The following ADAMTS2 variants were observed in gnomAD, a reference collection of about 807,000 sequenced individuals.
ADAMTS2 encodes the protein A disintegrin and metalloproteinase with thrombospondin motifs 2.
ADAMTS2 carries 50 observed loss-of-function variants against 123.0 expected under a neutral mutation model. That is an observed-to-expected ratio of 0.41 (90% confidence interval 0.32 to 0.51). The LOEUF (loss-of-function observed/expected upper bound fraction) is 0.51, where lower values mean the gene tolerates loss of function less well. Among genes scored for constraint, ADAMTS2 ranks in the 20% least tolerant of loss-of-function variants. The probability of loss-of-function intolerance (pLI) is 0.35; values close to 1 mark genes in which losing one functional copy is unlikely to be tolerated. For missense variants in ADAMTS2, 1,494 were observed against 1,705.2 expected, an observed-to-expected ratio of 0.88 and a Z score of 2.18; for synonymous variants, 678 against 695.4, an observed-to-expected ratio of 0.98 and a Z score of 0.39.
At position 179,308,851 on chromosome 5, in the gene ADAMTS2, A is replaced by G. The variant is rs1011588436; in HGVS notation, c.534+34916T>C. The stretch of plus-strand genomic sequence containing the variant: ...TGCAGCTAGGCCAGCTGGGAGCCAG[A>G]CAGCCACTGAAGCCCTCGGGGTACT... On this transcript the variant is annotated intron_variant, in intron 2 of 21. Transcript: ENST00000251582. The surrounding 1 kb of genome is among the most constrained non-coding windows in gnomAD (Gnocchi z 6.6). 1.3e-5 allele frequency among the ~76,000 whole-genome samples: 2 copies of G among 152,148 alleles called. No homozygotes were observed. Among genetic ancestry groups the G allele is most frequent in the African/African-American group, 2.4e-5 (1 of 41,420 alleles).
At chr5:179,145,340 G>A (rs1763233677) in intron 10 of ADAMTS2, among the ~76,000 whole-genome samples, 1 of 151,704 alleles carries the variant, frequency 6.6e-6, no homozygotes, top group African/African-American at 2.4e-5. Flanking sequence ...CAAACATGGA[G>A]TTACCATAAA....
chr5:179,345,277 G>GCAA lies in ADAMTS2; in HGVS notation c.51_52insTTG (p.Leu23dup), dbSNP rs1365580904. ...GGCGGCGGCAGCAGCAGCAGCAGCAGCAGCAGCGCGGGGCAGAGCAGGCGG... is the reference window on the plus strand; with the variant it reads ...GGCGGCGGCAGCAGCAGCAGCAGCAGCAACAGCAGCGCGGGGCAGAGCAGGCGG... On this transcript the variant is annotated inframe_insertion, in exon 1 of 22. Coordinates refer to ENST00000251582, the MANE Select transcript of ADAMTS2 (RefSeq NM_014244.5). This position sits in a 1 kb window ranked among gnomAD's most constrained non-coding sequence, Gnocchi z 7.5. 47 of 1,158,954 alleles carry GCAA rather than the reference G, an allele frequency of 4.1e-5. No homozygotes were observed. In the Admixed American group the frequency reaches 1.9e-3, roughly 46 times the overall value. 71.8% of individuals were successfully genotyped at this position (1,158,954 alleles called of 1,614,324 possible).
intron 4 of ADAMTS2, among the ~76,000 whole-genome samples, chr5:179,190,260 G>A (rs1180285541): frequency 6.6e-6 from 1 of 152,146 alleles, no homozygotes; most frequent in Non-Finnish European, 1.5e-5. Context: ...TGCTTCTCAG[G>A]GCTGCTTCGA....
intron 10 of ADAMTS2, among the ~76,000 whole-genome samples, chr5:179,143,482 A>G (rs550949041): frequency 2.6e-4 from 40 of 152,182 alleles, no homozygotes; most frequent in Admixed American, 2.6e-3. Context: ...GTTGAATGGT[A>G]CAAAAACTTA....
intron 2 of ADAMTS2, among the ~76,000 whole-genome samples, chr5:179,318,406 G>C (rs1264769457): frequency 6.6e-6 from 1 of 152,138 alleles, no homozygotes; most frequent in Non-Finnish European, 1.5e-5. Flanking sequence ...GGGATGGGGA[G>C]AGAAGGAGAT....
chr5:179,257,806 T>A (rs1392770118), intron 3 of ADAMTS2, among the ~76,000 whole-genome samples: 1 of 152,192 alleles, frequency 6.6e-6, no homozygotes, highest in Non-Finnish European at 1.5e-5. Context: ...TGAGGCCGCC[T>A]CCTGACCCCC....
intron 4 of ADAMTS2, among the ~76,000 whole-genome samples, chr5:179,201,268 G>A (rs557680935): frequency 6.6e-5 from 10 of 152,308 alleles, no homozygotes; most frequent in East Asian, 5.8e-4. Flanking sequence ...AAGCACGAGC[G>A]ATAGATTCAA....
chr5:179,199,800 T>G (rs1481171386), intron 4 of ADAMTS2, among the ~76,000 whole-genome samples: 1 of 152,162 alleles, frequency 6.6e-6, no homozygotes, highest in Non-Finnish European at 1.5e-5. Context: ...AAATACACAT[T>G]TGTTTAATTT....
rs2113478542 is a variant in ADAMTS2, at chr5:179,256,404, G to A, written c.688+16507C>T. The stretch of plus-strand genomic sequence containing the variant: ...CTCATCCAGAGACAGGACAGACCCT[G>A]GGCTCCTGGTGCCCAGCTCAGGGAA... On this transcript the variant is annotated intron_variant, in intron 3 of 21. Coordinates refer to ENST00000251582, the MANE Select transcript of ADAMTS2 (RefSeq NM_014244.5). This position sits in a 1 kb window ranked among gnomAD's most constrained non-coding sequence, Gnocchi z 4.1. Among the ~76,000 whole-genome samples, 1 of 152,308 alleles carries A rather than the reference G, an allele frequency of 6.6e-6. No individual in the cohort carries two copies. Among genetic ancestry groups the A allele is most frequent in the Non-Finnish European group, 1.5e-5 (1 of 68,030 alleles).
intron 4 of ADAMTS2, among the ~76,000 whole-genome samples, chr5:179,207,121 A>G (rs1764717255): frequency 6.6e-6 from 1 of 152,184 alleles, no homozygotes; most frequent in African/African-American, 2.4e-5. Flanking sequence ...TTACTATTAT[A>G]TTAGCTTTTC....
At chr5:179,341,394 A>G in intron 2 of ADAMTS2, 1 of 367,968 alleles carries the variant, frequency 2.7e-6, no homozygotes, top group Non-Finnish European at 5.3e-6. Context: ...AAGAGAAGAG[A>G]AAGAGGACAA....
In ADAMTS2 at chr5:179,256,565, A is replaced by T. The variant is rs1766057927; in HGVS notation, c.688+16346T>A. Among the ~76,000 whole-genome samples, 1 of 152,136 alleles carries T rather than the reference A, an allele frequency of 6.6e-6. No individual in the cohort carries two copies. Among genetic ancestry groups the T allele is most frequent in the Non-Finnish European group, 1.5e-5 (1 of 68,018 alleles). Reference sequence around the variant, plus strand: ...GAGGAGAGAGAGACGGAGAGAGTTTATGTACGTGTAACTACCAACCAGAGT... The same window carrying T: ...GAGGAGAGAGAGACGGAGAGAGTTTTTGTACGTGTAACTACCAACCAGAGT... On this transcript the variant is annotated intron_variant, in intron 3 of 21. Coordinates refer to ENST00000251582, the MANE Select transcript of ADAMTS2 (RefSeq NM_014244.5). The surrounding 1 kb of genome is among the most constrained non-coding windows in gnomAD (Gnocchi z 4.1).
In ADAMTS2 at chr5:179,125,299, A is replaced by G; in HGVS notation, c.2751-119T>C. On this transcript the variant is annotated intron_variant, in intron 18 of 21. Coordinates refer to ENST00000251582, the MANE Select transcript of ADAMTS2 (RefSeq NM_014244.5). Reference sequence around the variant, plus strand: ...ACAGCGAGCACAGAGGGCAGCCTGCACCCCTCCCCGGTGCACCTTCTCTTA... The same window carrying G: ...ACAGCGAGCACAGAGGGCAGCCTGCGCCCCTCCCCGGTGCACCTTCTCTTA... 4 of 853,256 alleles carry G rather than the reference A, an allele frequency of 4.7e-6. No individual in the cohort carries two copies. In the South Asian group the frequency reaches 5.8e-5, roughly 12 times the overall value. 52.9% of individuals were successfully genotyped at this position (853,256 alleles called of 1,614,324 possible). A position where few individuals can be genotyped will look rare whatever the true frequency, so the allele number is the denominator to read the frequency against.
At position 179,272,197 on chromosome 5, in the gene ADAMTS2, C is replaced by T. The variant is rs1231091769; in HGVS notation, c.688+714G>A. ...GGATGCTGGGAGGTGTGGGCTGGCA[C>T]AGTGAGGCCAGATCTGAGGCGACAG... On this transcript the variant is annotated intron_variant, in intron 3 of 21. Coordinates refer to ENST00000251582, the MANE Select transcript of ADAMTS2 (RefSeq NM_014244.5). This position sits in a 1 kb window ranked among gnomAD's most constrained non-coding sequence, Gnocchi z 5.8. Among the ~76,000 whole-genome samples, 6 of 152,208 alleles carry T rather than the reference C, an allele frequency of 3.9e-5. No homozygotes were observed. The highest frequency in any genetic ancestry group is 3.2e-3 in the Middle Eastern group (1 of 316).
intron 10 of ADAMTS2, 36 bp downstream of exon 10, chr5:179,152,106 C>T (rs773756231): frequency 1.3e-6 from 2 of 1,584,170 alleles, no homozygotes; most frequent in Admixed American, 3.3e-5. Flanking sequence ...TGTCCTCTGC[C>T]CTGCTGCCCT....
intron 3 of ADAMTS2, among the ~76,000 whole-genome samples, chr5:179,208,882 T>C (rs1764783772): frequency 6.6e-6 from 1 of 152,148 alleles, no homozygotes; most frequent in Admixed American, 6.5e-5. Flanking sequence ...CAGGTCATCG[T>C]GACATCACTG....
At chr5:179,161,016 A>G (rs78614511) in intron 5 of ADAMTS2, among the ~76,000 whole-genome samples, 1 of 152,292 alleles carries the variant, frequency 6.6e-6, no homozygotes, top group African/African-American at 2.4e-5. Context: ...CCGCCAACCC[A>G]CATTGAACAT....
rs1232436141 is a variant in ADAMTS2 at position 179,307,577 on chromosome 5, C to T, written c.535-34513G>A. On this transcript the variant is annotated intron_variant, in intron 2 of 21. Coordinates refer to ENST00000251582, the MANE Select transcript of ADAMTS2 (RefSeq NM_014244.5). This position sits in a 1 kb window ranked among gnomAD's most constrained non-coding sequence, Gnocchi z 5.6. ...CGGCTGCCCCACAGAATCTCTGAAA[C>T]ACGACTCAGACCTGTCACTGCCTGC... Among the ~76,000 whole-genome samples, 3 of 152,176 alleles carry T rather than the reference C, an allele frequency of 2.0e-5. No homozygotes were observed. Among genetic ancestry groups the T allele is most frequent in the Non-Finnish European group, 4.4e-5 (3 of 68,018 alleles).
Position 179,344,153 on chromosome 5 carries a change from G to A in ADAMTS2, c.148C>T (p.Leu50=), listed in dbSNP as rs1757867571. The change falls in exon 2 of 22, where the codon CTG becomes TTG. Residue 50 remains leucine, a synonymous_variant. Transcript: ENST00000251582. ...AGGATGCGCTCCGCTCCGTGCCCCA[G>A]GGGCCCGCCTGCAACGGGAAGGGGC... ...AAAADPPGGP[L]GHGAERILAV... The A allele has an allele frequency of 1.9e-6, 3 of 1,599,054 alleles. No homozygotes were observed. Among genetic ancestry groups the A allele is most frequent in the Non-Finnish European group, 2.6e-6 (3 of 1,173,958 alleles).
Sources: gnomAD v4.1 joint callset for allele counts (sites outside exome capture counted in the v4.1 genomes callset) on GRCh38, gnomAD v4.1.1 for gene constraint, Gnocchi (gnomAD v3.1) non-coding constraint, MANE v1.5 for transcripts, NCBI Gene and HGNC (gene_info 2026-07-23, HGNC 2026-07-21) for gene names.